Variants in ADD3 observed in about 807,000 individuals in gnomAD.
ADD3 encodes the protein adducin 3.
A neutral mutation model predicts 80.2 loss-of-function variants in ADD3; 25 were observed. The observed-to-expected ratio is 0.31, with a 90% CI of 0.23 to 0.44. The LOEUF (loss-of-function observed/expected upper bound fraction) is 0.44. Ranked by LOEUF, ADD3 falls within the 20% of genes least tolerant of loss-of-function variation. The pLI, the probability that ADD3 is intolerant of heterozygous loss-of-function variation, is 1.00. For synonymous variants in ADD3, 284 were observed against 289.6 expected (o/e 0.98, Z 0.20); for missense variants, 829 against 847.5 (o/e 0.98, Z 0.27).
intron 1 of ADD3, among the ~76,000 whole-genome samples, chr10:110,058,201 C>G (rs1858444035): frequency 6.7e-6 from 1 of 149,554 alleles, no homozygotes; most frequent in Non-Finnish European, 1.5e-5. Flanking sequence ...AGGGAGATTT[C>G]TTTTGCAAAT....
intron 12 of ADD3, among the ~76,000 whole-genome samples, chr10:110,129,016 G>A (rs142796879): frequency 1.1e-3 from 169 of 152,252 alleles, no homozygotes; most frequent in African/African-American, 4.0e-3. Context: ...ATTATTCTCT[G>A]TAATTCTTTT....
At position 110,122,175 on chromosome 10, in the gene ADD3, A is replaced by C. The variant is rs1372457830; in HGVS notation, c.1026A>C (p.Lys342Asn). 3.7e-6 allele frequency: 6 copies of C among 1,614,060 alleles called. No homozygotes were observed. Among genetic ancestry groups the C allele is most frequent in the Non-Finnish European group, 5.1e-6 (6 of 1,180,012 alleles). The change falls in exon 9 of 15, where the codon AAA becomes AAC. Residue 342 changes from lysine to asparagine, a missense_variant. Coordinates refer to ENST00000356080, the MANE Select transcript of ADD3 (RefSeq NM_016824.5). The part of the protein sequence containing the change: ...NLHVLDFQKY[K>N]AFTYTVAASG... Reference sequence around the variant, plus strand: ...ATGTACTGGACTTTCAGAAGTATAAAGCTTTCACTTACACTGTAGCAGCGT... The same window carrying C: ...ATGTACTGGACTTTCAGAAGTATAACGCTTTCACTTACACTGTAGCAGCGT...
intron 1 of ADD3, among the ~76,000 whole-genome samples, chr10:110,020,378 G>A (rs1853530763): frequency 6.6e-6 from 1 of 152,170 alleles, no homozygotes; most frequent in South Asian, 2.1e-4. Flanking sequence ...GGAAACTAAG[G>A]GAGTGTTTGG....
intron 2 of ADD3, among the ~76,000 whole-genome samples, chr10:110,111,832 C>T (rs1435076626): frequency 6.6e-6 from 1 of 151,684 alleles, no homozygotes; most frequent in African/African-American, 2.4e-5. Context: ...AGAATCGCTT[C>T]AACCCGGGAG....
chr10:110,040,994 C>T (rs547109281), intron 1 of ADD3, among the ~76,000 whole-genome samples: 13 of 152,138 alleles, frequency 8.5e-5, no homozygotes, highest in African/African-American at 2.7e-4. Context: ...CTCCGTGTGT[C>T]TGTCTCTCTG....
At chr10:110,121,432 G>A (rs1011258592) in intron 8 of ADD3, among the ~76,000 whole-genome samples, 1 of 152,134 alleles carries the variant, frequency 6.6e-6, no homozygotes, top group African/African-American at 2.4e-5. Flanking sequence ...GCAGTGAGCC[G>A]ATATCGTGCC....
At chr10:110,006,393 A>G (rs926383078), upstream of ADD3, among the ~76,000 whole-genome samples, 1 of 152,066 alleles carries the variant, frequency 6.6e-6, no homozygotes, top group Non-Finnish European at 1.5e-5. Flanking sequence ...AAAGCTTTTC[A>G]TTTTTTTGCT....
intron 1 of ADD3, among the ~76,000 whole-genome samples, chr10:110,058,199 T>A (rs987862367): frequency 1.3e-5 from 2 of 152,134 alleles, no homozygotes; most frequent in Non-Finnish European, 2.9e-5. Flanking sequence ...GGAGGGAGAT[T>A]TCTTTTGCAA....
At chr10:110,109,899 A>AT (rs5787835) in intron 2 of ADD3, among the ~76,000 whole-genome samples, 16,971 of 152,180 alleles carry the variant, frequency 0.11, 3,049 homozygotes, top group African/African-American at 0.38. Flanking sequence ...AAACTCCCTA[A>AT]TGGAGTTTTC....
intron 1 of ADD3, among the ~76,000 whole-genome samples, chr10:110,018,361 C>G (rs144189201): frequency 5.3e-4 from 81 of 151,966 alleles, no homozygotes; most frequent in African/African-American, 1.9e-3. Flanking sequence ...AACCCCATCT[C>G]TACTAAAAAT....
intron 5 of ADD3, among the ~76,000 whole-genome samples, chr10:110,117,984 C>T (rs1442144246): frequency 1.3e-5 from 2 of 150,988 alleles, no homozygotes; most frequent in Non-Finnish European, 2.9e-5. Context: ...CCATTGCACT[C>T]CAGCCTGGGC....
chr10:110,042,031 T>G (rs1856427868), intron 1 of ADD3, among the ~76,000 whole-genome samples: 1 of 152,218 alleles, frequency 6.6e-6, no homozygotes, highest in Non-Finnish European at 1.5e-5. Context: ...AAATTCCTTT[T>G]CCAGATAAAA....
intron 1 of ADD3, among the ~76,000 whole-genome samples, chr10:110,081,936 T>C (rs1333976904): frequency 6.6e-6 from 1 of 152,192 alleles, no homozygotes; most frequent in African/African-American, 2.4e-5. Flanking sequence ...AGTCCTATGG[T>C]GGCAAAATCA....
At chr10:110,126,361 A>T in intron 11 of ADD3, 56 bp from the exon 12 acceptor site, 1 of 1,304,854 alleles carries the variant, frequency 7.7e-7, no homozygotes. Flanking sequence ...GATAAAGCAA[A>T]GGTCATCTGC....
chr10:110,059,429 G>A (rs940121920), intron 1 of ADD3, among the ~76,000 whole-genome samples: 1 of 152,034 alleles, frequency 6.6e-6, no homozygotes, highest in East Asian at 1.9e-4. Context: ...CTGAGTGCGC[G>A]CTGCTGCACT....
At chr10:110,029,099 G>A (rs138261905) in intron 1 of ADD3, among the ~76,000 whole-genome samples, 1,628 of 152,206 alleles carry the variant, frequency 0.011, 32 homozygotes, top group African/African-American at 0.038. Context: ...GGCTAGTCTC[G>A]AACTCCCCAC....
At chr10:110,064,595 A>T (rs1843678690) in intron 1 of ADD3, among the ~76,000 whole-genome samples, 1 of 152,018 alleles carries the variant, frequency 6.6e-6, no homozygotes, top group Non-Finnish European at 1.5e-5. Flanking sequence ...TTTTCTTTTT[A>T]TTATTGATAT....
intron 1 of ADD3, among the ~76,000 whole-genome samples, chr10:110,088,809 G>T (rs949583182): frequency 1.3e-5 from 2 of 151,666 alleles, no homozygotes; most frequent in South Asian, 4.2e-4. Context: ...TCATTTTTTT[G>T]TGCCTTTCCA....
chr10:110,027,312 AGTAGCTAGAACTACCTGCATG>A (rs1484066772), intron 1 of ADD3, among the ~76,000 whole-genome samples: 1 of 152,186 alleles, frequency 6.6e-6, no homozygotes, highest in African/African-American at 2.4e-5. Flanking sequence ...GTACAGGTTG[AGTAGCTAGAACTACCTGCATG>A]GTATAATTTG....
Sources: gnomAD v4.1 joint callset for allele counts (sites outside exome capture counted in the v4.1 genomes callset) on GRCh38, gnomAD v4.1.1 for gene constraint, MANE v1.5 for transcripts, NCBI Gene and HGNC (gene_info 2026-07-23, HGNC 2026-07-21) for gene names.